Variants in IDO2 observed in about 807,000 individuals in gnomAD.
IDO2 encodes indoleamine 2,3-dioxygenase-like 1 protein.
In IDO2, 46 loss-of-function variants were observed where a neutral mutation model predicts 45.1. The ratio of observed to expected loss-of-function variants is 1.02; its 90% CI spans 0.80 to 1.30. The LOEUF (loss-of-function observed/expected upper bound fraction) is 1.30. IDO2 is among the 50% of genes most tolerant of loss of function. The probability of loss-of-function intolerance (pLI) is 0.00; values close to 1 mark genes in which losing one functional copy is unlikely to be tolerated. For missense variants in IDO2, 544 were observed against 491.8 expected, an observed-to-expected ratio of 1.11 and a Z score of -1.00; for synonymous variants, 218 against 184.9, an observed-to-expected ratio of 1.18 and a Z score of -1.45.
chr8:40,010,286 C>G (rs1253481036), intron 9 of IDO2, among the ~76,000 whole-genome samples: 1 of 152,034 alleles, frequency 6.6e-6, no homozygotes, highest in African/African-American at 2.4e-5. Context: ...TGCAATAACC[C>G]TGAGGTGGGA....
intron 8 of IDO2, chr8:39,995,167 C>CCTG: frequency 6.8e-6 from 1 of 147,686 alleles, no homozygotes; most frequent in Non-Finnish European, 1.5e-5. Flanking sequence ...TCCTCCTCCT[C>CCTG]CTCCTCTTCT....
chr8:39,942,025 G>T (rs1351476252), intron 1 of IDO2, among the ~76,000 whole-genome samples: 1 of 152,170 alleles, frequency 6.6e-6, no homozygotes, highest in East Asian at 1.9e-4. Context: ...CCCAGGAGGT[G>T]AAGGATACAG....
At chr8:40,001,038 A>G (rs1207910608) in intron 8 of IDO2, among the ~76,000 whole-genome samples, 2 of 152,100 alleles carry the variant, frequency 1.3e-5, no homozygotes, top group African/African-American at 2.4e-5. Flanking sequence ...TACATGGCCC[A>G]GGCTGGTCTT....
intron 2 of IDO2, among the ~76,000 whole-genome samples, chr8:39,952,614 C>T (rs1807829076): frequency 6.6e-6 from 1 of 152,020 alleles, no homozygotes; most frequent in Admixed American, 6.6e-5. Flanking sequence ...TTTCATGTGC[C>T]CTACGTGTGT....
At chr8:39,988,042 C>A (rs1808450522) in intron 7 of IDO2, 72 bp downstream of exon 7, 3 of 835,764 alleles carry the variant, frequency 3.6e-6, no homozygotes, top group Non-Finnish European at 5.9e-6. Flanking sequence ...AGTGCCTTTC[C>A]TGCAGTGGAT....
intron 2 of IDO2, among the ~76,000 whole-genome samples, chr8:39,959,653 C>T (rs1048521229): frequency 1.3e-5 from 2 of 152,030 alleles, no homozygotes; most frequent in African/African-American, 4.8e-5. Flanking sequence ...AAAACCCCAT[C>T]TCTACTAAAG....
At chr8:39,987,829 C>A in intron 6 of IDO2, 42 bp from the exon 7 acceptor site, 1 of 1,200,262 alleles carries the variant, frequency 8.3e-7, no homozygotes. Flanking sequence ...ACTCACGGTA[C>A]AGTCTCCACA....
chr8:40,005,247 G>A (rs1373431048), intron 8 of IDO2, 80 bp from the exon 9 acceptor site: 2 of 883,818 alleles, frequency 2.3e-6, no homozygotes, highest in South Asian at 2.2e-5. Context: ...GGAACTCCGG[G>A]ACAGCAGCAG....
At position 39,947,876 on chromosome 8, in the gene IDO2, C is replaced by G. The variant is rs1378619244; in HGVS notation, c.-17-1273C>G. ...GATCTCGGCTCACTGCAACCTCCAC[C>G]TCCCAGGTTCAAGCAATTCTCCTGC... is the stretch of plus-strand genomic sequence containing the variant. On this transcript the variant is annotated intron_variant, in intron 1 of 10. Coordinates refer to ENST00000502986, the Ensembl canonical transcript of IDO2. Among the ~76,000 whole-genome samples the G allele has an allele frequency of 2.0e-5, 3 of 151,686 alleles. No individual in the cohort carries two copies. The East Asian group carries it at 5.8e-4, about 29-fold the overall frequency.
intron 3 of IDO2, among the ~76,000 whole-genome samples, chr8:39,968,888 T>TTA (rs1554546149): frequency 2.3e-5 from 3 of 130,744 alleles, no homozygotes; most frequent in African/African-American, 8.0e-5. Context: ...TTTAAAAAAG[T>TTA]AAAAAAAAAA....
intron 2 of IDO2, among the ~76,000 whole-genome samples, chr8:39,958,197 G>T (rs995243266): frequency 6.7e-6 from 1 of 149,668 alleles, no homozygotes; most frequent in Non-Finnish European, 1.5e-5. Flanking sequence ...GAGCCACCGC[G>T]CCCAGACTTT....
chr8:39,951,275 AT>A (rs71220803), intron 2 of IDO2, among the ~76,000 whole-genome samples: 55,422 of 135,860 alleles, frequency 0.41, 11,883 homozygotes, highest in Non-Finnish European at 0.5. Context: ...GGACCCCAAG[AT>A]TTTTTTTTTT....
chr8:40,014,869 T>C (rs2955901), intron 10 of IDO2, among the ~76,000 whole-genome samples: 149,384 of 152,328 alleles, frequency 0.98, 73,316 homozygotes, highest in East Asian at 1. Context: ...GCAGAGAAGA[T>C]TGGGCACCGT....
At chr8:39,975,058 G>A (rs568567851) in intron 3 of IDO2, among the ~76,000 whole-genome samples, 50 of 151,976 alleles carry the variant, frequency 3.3e-4, no homozygotes, top group African/African-American at 1.0e-3. Context: ...GCAGTGAGCC[G>A]AGATCGTGCC....
intron 6 of IDO2, chr8:39,987,607 G>T: frequency 2.9e-6 from 1 of 341,464 alleles, no homozygotes; most frequent in Non-Finnish European, 5.4e-6. Flanking sequence ...TTATTCCACT[G>T]CGGAGATGGT....
intron 7 of IDO2, among the ~76,000 whole-genome samples, chr8:39,988,776 C>A (rs1037239017): frequency 6.6e-5 from 10 of 152,106 alleles, no homozygotes; most frequent in Non-Finnish European, 1.0e-4. Flanking sequence ...TAGGGTGACC[C>A]ATTTCTGCTA....
chr8:39,964,510 G>A (rs1178635435), intron 3 of IDO2, among the ~76,000 whole-genome samples: 1 of 151,760 alleles, frequency 6.6e-6, no homozygotes, highest in Admixed American at 6.6e-5. Flanking sequence ...CCACATAATT[G>A]CGGAAGTCCA....
chr8:39,993,781 G>A (rs192359449), intron 8 of IDO2, among the ~76,000 whole-genome samples: 19 of 152,230 alleles, frequency 1.2e-4, no homozygotes, highest in Admixed American at 2.6e-4. Context: ...AGGAAGAGGC[G>A]GGTGGATCAC....
At chr8:40,004,231 A>G (rs1040664483) in intron 8 of IDO2, among the ~76,000 whole-genome samples, 3 of 152,210 alleles carry the variant, frequency 2.0e-5, no homozygotes, top group Non-Finnish European at 4.4e-5. Flanking sequence ...GAGCATCTGA[A>G]GGGCTGGAGG....
Sources: allele counts gnomAD v4.1 joint callset (sites outside exome capture counted in the v4.1 genomes callset), GRCh38; gene constraint gnomAD v4.1.1; transcripts MANE v1.5; gene names NCBI Gene and HGNC (gene_info 2026-07-23, HGNC 2026-07-21).